The following TNFSF13B variants were observed in gnomAD, a reference collection of about 807,000 sequenced individuals.
The protein encoded by TNFSF13B is TNF superfamily member 13b.
Under a neutral mutation model 29.1 loss-of-function variants are expected in TNFSF13B, and 8 were observed. The observed-to-expected ratio is 0.27, with a 90% CI of 0.16 to 0.50. The LOEUF is 0.50. Among genes scored for constraint, TNFSF13B ranks in the 20% least tolerant of loss-of-function variants. The pLI is 0.98. For missense variants in TNFSF13B, 248 were observed against 334.9 expected (o/e 0.74, Z 2.03); for synonymous variants, 125 against 130.8 (o/e 0.96, Z 0.30).
intron 5 of TNFSF13B, among the ~76,000 whole-genome samples, chr13:108,304,139 G>T (rs952464280): frequency 3.3e-5 from 5 of 152,158 alleles, no homozygotes; most frequent in Non-Finnish European, 5.9e-5. Flanking sequence ...CAGCCAGTCT[G>T]GCTCCGCACC....
chr13:108,288,140 A>G (rs980871982), intron 3 of TNFSF13B, among the ~76,000 whole-genome samples: 1 of 152,222 alleles, frequency 6.6e-6, no homozygotes, highest in Admixed American at 6.5e-5. Flanking sequence ...CTCTCTCTGA[A>G]AGCAAATGGG....
At chr13:108,305,330 C>A (rs1203910747) in intron 5 of TNFSF13B, among the ~76,000 whole-genome samples, 1 of 151,962 alleles carries the variant, frequency 6.6e-6, no homozygotes, top group Non-Finnish European at 1.5e-5. Flanking sequence ...TACCAAAGAA[C>A]CACTTATATA....
chr13:108,280,327 A>G (rs1880902757), intron 2 of TNFSF13B, among the ~76,000 whole-genome samples: 1 of 152,200 alleles, frequency 6.6e-6, no homozygotes. Flanking sequence ...TATGCATGAG[A>G]AAGATAAAGC....
intron 1 of TNFSF13B, 32 bp downstream of exon 1, chr13:108,270,266 A>G (rs1487200399): frequency 1.9e-6 from 3 of 1,611,922 alleles, no homozygotes; most frequent in Non-Finnish European, 1.7e-6. Flanking sequence ...GACGCAGGCA[A>G]GATCCTGCCT....
chr13:108,286,402 A>G (rs2139054131), intron 2 of TNFSF13B, among the ~76,000 whole-genome samples: 1 of 152,154 alleles, frequency 6.6e-6, no homozygotes, highest in South Asian at 2.1e-4. Context: ...TTTCTGTAGT[A>G]GTAGGTCATT....
At chr13:108,280,716 C>G (rs1452128972) in intron 2 of TNFSF13B, among the ~76,000 whole-genome samples, 1 of 143,040 alleles carries the variant, frequency 7.0e-6, no homozygotes, top group Non-Finnish European at 1.5e-5. Context: ...CATGATAATG[C>G]TTTTTTTTTT....
At chr13:108,304,071 A>G (rs1395936903) in intron 5 of TNFSF13B, among the ~76,000 whole-genome samples, 4 of 152,210 alleles carry the variant, frequency 2.6e-5, no homozygotes, top group Non-Finnish European at 5.9e-5. Flanking sequence ...ATCTAGGCAC[A>G]GAGAAGTAAC....
intron 2 of TNFSF13B, among the ~76,000 whole-genome samples, chr13:108,285,819 C>G (rs1280527414): frequency 6.6e-6 from 1 of 152,172 alleles, no homozygotes; most frequent in African/African-American, 2.4e-5. Context: ...AGATAAAAAA[C>G]TACACTAATA....
chr13:108,290,357 T>C (rs142333390), intron 3 of TNFSF13B, among the ~76,000 whole-genome samples: 20 of 152,292 alleles, frequency 1.3e-4, no homozygotes, highest in Admixed American at 6.5e-4. Context: ...TGTGCATCCG[T>C]AACTTCTCAT....
At chr13:108,296,630 A>G (rs1224707314) in intron 3 of TNFSF13B, among the ~76,000 whole-genome samples, 4 of 146,030 alleles carry the variant, frequency 2.7e-5, no homozygotes, top group Admixed American at 2.0e-4. Flanking sequence ...ATTACTGATA[A>G]GGAAAGAATT....
intron 3 of TNFSF13B, among the ~76,000 whole-genome samples, chr13:108,300,126 T>C (rs1881573645): frequency 6.6e-6 from 1 of 152,164 alleles, no homozygotes; most frequent in African/African-American, 2.4e-5. Flanking sequence ...TTTAAGAGAA[T>C]ATACTACCTC....
chr13:108,302,351 T>C (rs924619273), intron 3 of TNFSF13B, among the ~76,000 whole-genome samples: 1 of 152,174 alleles, frequency 6.6e-6, no homozygotes, highest in African/African-American at 2.4e-5. Flanking sequence ...TTTTATTCAT[T>C]TTACATCATT....
intron 2 of TNFSF13B, among the ~76,000 whole-genome samples, chr13:108,278,103 G>A (rs1566399026): frequency 6.6e-6 from 1 of 152,080 alleles, no homozygotes; most frequent in Admixed American, 6.6e-5. Flanking sequence ...GAGAGGTAAG[G>A]TTTGAATTCA....
chr13:108,284,907 C>T (rs1212008825), intron 2 of TNFSF13B, among the ~76,000 whole-genome samples: 1 of 152,178 alleles, frequency 6.6e-6, no homozygotes, highest in Non-Finnish European at 1.5e-5. Context: ...GCTTTAGCTG[C>T]CCCGGAGGCT....
At chr13:108,284,359 T>TAAAC (rs774747009) in intron 2 of TNFSF13B, among the ~76,000 whole-genome samples, 961 of 94,222 alleles carry the variant, frequency 0.01, 8 homozygotes, top group African/African-American at 0.012. Flanking sequence ...AATAAATGAA[T>TAAAC]AAATAAACAA....
intron 5 of TNFSF13B, among the ~76,000 whole-genome samples, chr13:108,305,765 A>G (rs919721807): frequency 3.9e-5 from 6 of 152,148 alleles, no homozygotes; most frequent in African/African-American, 1.4e-4. Context: ...GTCATCCTTG[A>G]TCACTACTGT....
intron 3 of TNFSF13B, among the ~76,000 whole-genome samples, chr13:108,300,077 T>C (rs1368489953): frequency 2.0e-5 from 3 of 152,158 alleles, no homozygotes; most frequent in Non-Finnish European, 4.4e-5. Flanking sequence ...CTAGCCAGAA[T>C]GTAAACAAGT....
chr13:108,279,833 C>T (rs1011872396), intron 2 of TNFSF13B, among the ~76,000 whole-genome samples: 1 of 152,092 alleles, frequency 6.6e-6, no homozygotes, highest in African/African-American at 2.4e-5. Context: ...CTCCCAACAT[C>T]ACCCTCTGCA....
chr13:108,289,195 A>G (rs976078606), intron 3 of TNFSF13B, among the ~76,000 whole-genome samples: 23 of 152,002 alleles, frequency 1.5e-4, no homozygotes, highest in African/African-American at 5.6e-4. Flanking sequence ...ATTGCACCAA[A>G]TTATGCAGCT....
Sources: gnomAD v4.1 joint callset for allele counts (sites outside exome capture counted in the v4.1 genomes callset) on GRCh38, gnomAD v4.1.1 for gene constraint, MANE v1.5 for transcripts, NCBI Gene and HGNC (gene_info 2026-07-23, HGNC 2026-07-21) for gene names.